Variants in FAT3 observed in about 807,000 individuals in gnomAD.
FAT3 encodes the protein FAT atypical cadherin 3.
Under a neutral mutation model 310.2 loss-of-function variants are expected in FAT3, and 95 were observed. That is an observed-to-expected ratio of 0.31 (90% CI 0.26 to 0.36). The LOEUF is 0.36. Among genes scored for constraint, FAT3 ranks in the 10% least tolerant of loss-of-function variants. The pLI, the probability that FAT3 is intolerant of heterozygous loss-of-function variation, is 1.00. For missense variants in FAT3, 5,408 were observed against 5,715.6 expected, an observed-to-expected ratio of 0.95 and a Z score of 1.74; for synonymous variants, 2,314 against 2,192.9, an observed-to-expected ratio of 1.06 and a Z score of -1.54.
At chr11:92,720,659 A>G (rs1224397889) in intron 4 of FAT3, among the ~76,000 whole-genome samples, 1 of 152,110 alleles carries the variant, frequency 6.6e-6, no homozygotes, top group African/African-American at 2.4e-5. Flanking sequence ...AACTGTTTTC[A>G]TTTATCTTTC....
chr11:92,314,993 G>A (rs532742923), intron 1 of FAT3, among the ~76,000 whole-genome samples: 1 of 152,104 alleles, frequency 6.6e-6, no homozygotes, highest in African/African-American at 2.4e-5. Context: ...GTCAGCTCAA[G>A]ACTTTTTTAC....
At chr11:92,339,233 A>G (rs534010388) in intron 1 of FAT3, among the ~76,000 whole-genome samples, 2 of 152,312 alleles carry the variant, frequency 1.3e-5, no homozygotes, top group South Asian at 4.1e-4. Flanking sequence ...GCCTATACCC[A>G]CTAGATGCCT....
chr11:92,352,393 C>T lies in FAT3; in HGVS notation c.281C>T (p.Ala94Val). 6.2e-7 allele frequency: 1 copy of T among 1,610,530 alleles called. No homozygotes were observed. The highest frequency in any genetic ancestry group is 8.5e-7 in the Non-Finnish European group (1 of 1,178,284). The change falls in exon 2 of 28, where the codon GCA (alanine) becomes GTA (valine). Residue 94 changes from alanine (A) to valine (V), a missense_variant. Transcript: ENST00000525166. ...VSGDEEGFFK[A>V]EEVIIADFCF... is the part of the protein sequence containing the mutation. ...GGAGACGAGGAAGGCTTTTTCAAAG[C>T]AGAGGAAGTCATCATTGCAGATTTC... is the stretch of plus-strand genomic sequence containing the variant.
At chr11:92,446,914 G>C (rs1390694082) in intron 2 of FAT3, among the ~76,000 whole-genome samples, 2 of 152,128 alleles carry the variant, frequency 1.3e-5, no homozygotes, top group African/African-American at 4.8e-5. Context: ...ATAGTCATTT[G>C]AGTTGATAGA....
At chr11:92,284,484 G>C (rs539127210) in intron 1 of FAT3, among the ~76,000 whole-genome samples, 22 of 152,082 alleles carry the variant, frequency 1.4e-4, no homozygotes, top group Non-Finnish European at 3.1e-4. Flanking sequence ...AAAAGATAAA[G>C]GGGTCAGAAG....
chr11:92,511,350 G>A (rs1201480489), intron 2 of FAT3, among the ~76,000 whole-genome samples: 1 of 151,918 alleles, frequency 6.6e-6, no homozygotes, highest in Non-Finnish European at 1.5e-5. Context: ...GTGATCACAG[G>A]ATAACAAAAT....
chr11:92,606,444 T>C (rs1239847880), intron 3 of FAT3, among the ~76,000 whole-genome samples: 1 of 152,164 alleles, frequency 6.6e-6, no homozygotes, highest in Non-Finnish European at 1.5e-5. Context: ...TACCTGGGCT[T>C]TGCCTGCAGC....
intron 3 of FAT3, among the ~76,000 whole-genome samples, chr11:92,689,231 T>C (rs1169828546): frequency 6.6e-6 from 1 of 152,156 alleles, no homozygotes; most frequent in African/African-American, 2.4e-5. Flanking sequence ...TATACTACAA[T>C]GCTTCCTGGA....
At chr11:92,628,363 C>T (rs1941413696) in intron 3 of FAT3, among the ~76,000 whole-genome samples, 2 of 152,140 alleles carry the variant, frequency 1.3e-5, no homozygotes, top group Admixed American at 6.5e-5. Flanking sequence ...AGTTTAGCTT[C>T]TGTTCTTCGT....
intron 1 of FAT3, among the ~76,000 whole-genome samples, chr11:92,268,093 G>T (rs796180045): frequency 1.6e-4 from 24 of 151,304 alleles, no homozygotes; most frequent in African/African-American, 5.6e-4. Flanking sequence ...AGAAGGAAAA[G>T]GAGAAAGAAA....
intron 1 of FAT3, among the ~76,000 whole-genome samples, chr11:92,318,306 T>C (rs1210322521): frequency 6.6e-6 from 1 of 152,178 alleles, no homozygotes; most frequent in African/African-American, 2.4e-5. Flanking sequence ...CAAAAGAAGA[T>C]AGGACCATTT....
intron 2 of FAT3, among the ~76,000 whole-genome samples, chr11:92,477,703 C>T (rs1952084974): frequency 6.6e-6 from 1 of 152,176 alleles, no homozygotes; most frequent in African/African-American, 2.4e-5. Context: ...TACTTAACAA[C>T]AGCTGGTACC....
intron 2 of FAT3, among the ~76,000 whole-genome samples, chr11:92,518,017 TTGG>T (rs1370086379): frequency 2.0e-5 from 3 of 152,284 alleles, no homozygotes; most frequent in South Asian, 4.1e-4. Context: ...TTTTACACTG[TTGG>T]TGGGAGTGTA....
chr11:92,460,877 C>T (rs1316949077), intron 2 of FAT3, among the ~76,000 whole-genome samples: 1 of 152,178 alleles, frequency 6.6e-6, no homozygotes, highest in Non-Finnish European at 1.5e-5. Flanking sequence ...GCAACTCCCT[C>T]TCCTGAATGA....
chr11:92,741,326 T>C (rs1238315225), intron 4 of FAT3, among the ~76,000 whole-genome samples: 2 of 152,132 alleles, frequency 1.3e-5, no homozygotes, highest in Non-Finnish European at 2.9e-5. Context: ...AACTACCACA[T>C]AGGCATGAAC....
At chr11:92,724,965 C>A (rs1025469913) in intron 4 of FAT3, among the ~76,000 whole-genome samples, 1 of 152,138 alleles carries the variant, frequency 6.6e-6, no homozygotes, top group Non-Finnish European at 1.5e-5. Flanking sequence ...CCAGCTATAA[C>A]TTCTCTCACA....
chr11:92,653,230 G>T (rs1942451394), intron 3 of FAT3, among the ~76,000 whole-genome samples: 1 of 107,674 alleles, frequency 9.3e-6, no homozygotes. Context: ...TCGCATGCGT[G>T]TGCACACGTG....
At chr11:92,442,105 ATATATAT>A (rs1951084243) in intron 2 of FAT3, among the ~76,000 whole-genome samples, 11 of 20,358 alleles carry the variant, frequency 5.4e-4, no homozygotes, top group African/African-American at 1.7e-3. Context: ...ATATATATAT[ATATATAT>A]TTTTTTTTTT....
chr11:92,342,660 C>T (rs1482750721), intron 1 of FAT3, among the ~76,000 whole-genome samples: 1 of 152,076 alleles, frequency 6.6e-6, no homozygotes, highest in Non-Finnish European at 1.5e-5. Context: ...TGATTTGGCC[C>T]CTTTTCTCTT....
Sources: gnomAD v4.1 joint callset for allele counts (sites outside exome capture counted in the v4.1 genomes callset) on GRCh38, gnomAD v4.1.1 for gene constraint, MANE v1.5 for transcripts, NCBI Gene and HGNC (gene_info 2026-07-23, HGNC 2026-07-21) for gene names.